The following HIBCH variants were observed in gnomAD, a reference collection of about 807,000 sequenced individuals.
The protein encoded by HIBCH is 3-hydroxyisobutyryl-CoA hydrolase.
Under a neutral mutation model 58.2 loss-of-function variants are expected in HIBCH, and 50 were observed. The observed-to-expected ratio is 0.86, with a 90% confidence interval of 0.68 to 1.09. The LOEUF is 1.09. HIBCH is among the 50% of genes least tolerant of loss of function. The pLI is 0.00. For synonymous variants in HIBCH, 151 were observed against 146.9 expected, an observed-to-expected ratio of 1.03 and a Z score of -0.20; for missense variants, 450 against 449.7, an observed-to-expected ratio of 1.00 and a Z score of -0.01.
intron 9 of HIBCH, among the ~76,000 whole-genome samples, chr2:190,248,209 C>G (rs559170248): frequency 6.6e-6 from 1 of 152,258 alleles, no homozygotes; most frequent in East Asian, 1.9e-4. Context: ...CTATGCAAAG[C>G]ACTAAAATTA....
At position 190,209,095 on chromosome 2, in the gene HIBCH, C is replaced by T. The variant is rs994853082; in HGVS notation, c.1012-182G>A. Among the ~76,000 whole-genome samples the T allele has an allele frequency of 1.3e-5, 2 of 152,122 alleles. No homozygotes were observed. The highest frequency in any genetic ancestry group is 2.9e-5 in the Non-Finnish European group (2 of 68,016). On this transcript the variant is annotated intron_variant, in intron 12 of 13. Transcript: ENST00000359678. This position sits in a 1 kb window ranked among gnomAD's most constrained non-coding sequence, Gnocchi z 5.6. Reference sequence around the variant, plus strand: ...ATCACCACCTCCTAAATCTTATTTGCTCAAGTATCTCCACTGCTACAAATC... The same window carrying T: ...ATCACCACCTCCTAAATCTTATTTGTTCAAGTATCTCCACTGCTACAAATC...
intron 6 of HIBCH, 39 bp from the exon 7 acceptor site, chr2:190,261,273 A>G (rs779305799): frequency 2.5e-5 from 35 of 1,415,078 alleles, no homozygotes; most frequent in South Asian, 1.5e-4. Context: ...GGGGGGAATT[A>G]AACATATTGT....
At chr2:190,317,200 C>T (rs1299376992) in intron 1 of HIBCH, among the ~76,000 whole-genome samples, 2 of 152,220 alleles carry the variant, frequency 1.3e-5, no homozygotes, top group South Asian at 2.1e-4. Flanking sequence ...CCACACCCAG[C>T]GAAGAGCAAC....
At chr2:190,298,600 T>C (rs1688175106) in intron 2 of HIBCH, among the ~76,000 whole-genome samples, 1 of 152,178 alleles carries the variant, frequency 6.6e-6, no homozygotes, top group African/African-American at 2.4e-5. Flanking sequence ...GTTTTTTTTT[T>C]CTTGTAAATT....
chr2:190,252,746 G>C (rs994529523), intron 7 of HIBCH, among the ~76,000 whole-genome samples: 4 of 152,086 alleles, frequency 2.6e-5, no homozygotes, highest in African/African-American at 2.4e-5. Flanking sequence ...CCCAACCTTA[G>C]TCAATTATCT....
chr2:190,267,254 G>A (rs1687268424), intron 6 of HIBCH, among the ~76,000 whole-genome samples: 1 of 151,594 alleles, frequency 6.6e-6, no homozygotes, highest in East Asian at 2.0e-4. Flanking sequence ...ACCTAGGCTG[G>A]AGCACAGTGG....
At chr2:190,212,931 T>C (rs757339751) in intron 12 of HIBCH, 25 bp downstream of exon 12, 10 of 1,592,506 alleles carry the variant, frequency 6.3e-6, no homozygotes, top group Non-Finnish European at 8.6e-6. Flanking sequence ...AACTAAAAAA[T>C]GACATTTTTT....
chr2:190,265,384 A>G (rs1486481177), intron 6 of HIBCH, among the ~76,000 whole-genome samples: 1 of 150,760 alleles, frequency 6.6e-6, no homozygotes, highest in Non-Finnish European at 1.5e-5. Flanking sequence ...TTTATTAGCT[A>G]TCTGGGTATC....
chr2:190,310,512 A>T (rs906752685), intron 2 of HIBCH, among the ~76,000 whole-genome samples: 7 of 152,204 alleles, frequency 4.6e-5, no homozygotes, highest in African/African-American at 1.7e-4. Flanking sequence ...AATCCACCCA[A>T]GATTAAGTAG....
intron 11 of HIBCH, among the ~76,000 whole-genome samples, chr2:190,242,249 A>G (rs1686475265): frequency 6.6e-6 from 1 of 151,338 alleles, no homozygotes. Context: ...TGATTGATTC[A>G]GTTATTGATA....
At chr2:190,267,163 G>A (rs1032853230) in intron 6 of HIBCH, among the ~76,000 whole-genome samples, 18 of 152,134 alleles carry the variant, frequency 1.2e-4, no homozygotes, top group African/African-American at 3.9e-4. Context: ...TGGGGAGAGT[G>A]AGGTGAAGAC....
At position 190,271,282 on chromosome 2, in the gene HIBCH, CTTTTT is replaced by C. The variant is rs35074167; in HGVS notation, c.439-10053_439-10049del. On this transcript the variant is annotated intron_variant, in intron 6 of 13. Transcript: ENST00000359678. ...CTATCTACCCATTATCTCTACCCTA[CTTTTT>C]TTTTTTTTTTTTTTTTTTTGAGAGG... Among the ~76,000 whole-genome samples the C allele has an allele frequency of 7.2e-5, 6 of 83,776 alleles. No individual in the cohort carries two copies. The East Asian group carries it at 1.4e-3, about 20-fold the overall frequency. 55.0% of individuals were successfully genotyped at this position (83,776 alleles called of 152,430 possible). A position where few individuals can be genotyped will look rare whatever the true frequency, so the allele number is the denominator to read the frequency against.
chr2:190,230,414 A>G (rs1434187332), intron 11 of HIBCH, among the ~76,000 whole-genome samples: 1 of 152,260 alleles, frequency 6.6e-6, no homozygotes, highest in Non-Finnish European at 1.5e-5. Context: ...TCTTTATTAA[A>G]GAAATATAAT....
In HIBCH at chr2:190,319,714, A is replaced by C. The variant is rs2124887029; in HGVS notation, c.35+2T>G. ...CCCTTGGCCCCTCGCTCTCTCACTCACCTCGACATGAGCCTCCACATCTCG... is the reference window on the plus strand; with the variant it reads ...CCCTTGGCCCCTCGCTCTCTCACTCCCCTCGACATGAGCCTCCACATCTCG... On this transcript the variant is annotated splice_donor_variant, in intron 1 of 13. Coordinates refer to ENST00000359678, the MANE Select transcript of HIBCH (RefSeq NM_014362.4). LOFTEE classifies it high-confidence loss of function. 1 of 1,611,878 alleles carries C rather than the reference A, an allele frequency of 6.2e-7. No individual in the cohort carries two copies. The highest frequency in any genetic ancestry group is 8.5e-7 in the Non-Finnish European group (1 of 1,178,582).
chr2:190,252,821 C>T (rs1178437393), intron 7 of HIBCH, among the ~76,000 whole-genome samples: 1 of 152,108 alleles, frequency 6.6e-6, no homozygotes, highest in African/African-American at 2.4e-5. Context: ...CAGGTTTATA[C>T]CTAATAAAAT....
intron 11 of HIBCH, among the ~76,000 whole-genome samples, chr2:190,237,043 A>G (rs1007620316): frequency 6.6e-6 from 1 of 152,178 alleles, no homozygotes; most frequent in Admixed American, 6.5e-5. Context: ...TTCAGCAAAT[A>G]CAATGCATAC....
At chr2:190,303,400 A>C (rs1343740668) in intron 2 of HIBCH, among the ~76,000 whole-genome samples, 1 of 151,128 alleles carries the variant, frequency 6.6e-6, no homozygotes, top group Non-Finnish European at 1.5e-5. Flanking sequence ...ACACGAAATG[A>C]GTCCAGAGCA....
chr2:190,202,631 T>G (rs913402293), downstream of HIBCH: 5 of 166,708 alleles, frequency 3.0e-5, no homozygotes, highest in African/African-American at 9.7e-5. Flanking sequence ...TAAAAGAGAG[T>G]AGAAGGACTG....
At chr2:190,262,677 C>T (rs1169805491) in intron 6 of HIBCH, among the ~76,000 whole-genome samples, 1 of 152,178 alleles carries the variant, frequency 6.6e-6, no homozygotes, top group Non-Finnish European at 1.5e-5. Context: ...CTCCTGAACT[C>T]TATGGAAAAA....
Sources: allele counts gnomAD v4.1 joint callset (sites outside exome capture counted in the v4.1 genomes callset), GRCh38; gene constraint gnomAD v4.1.1; non-coding constraint Gnocchi (gnomAD v3.1); transcripts MANE v1.5; gene names NCBI Gene and HGNC (gene_info 2026-07-23, HGNC 2026-07-21).